The following CTNNA3 variants were observed in gnomAD, a reference collection of about 807,000 sequenced individuals.
The protein encoded by CTNNA3 is catenin alpha 3.
Under a neutral mutation model 95.7 loss-of-function variants are expected in CTNNA3, and 76 were observed. The ratio of observed to expected loss-of-function variants is 0.79; its 90% CI spans 0.66 to 0.96. CTNNA3 has a LOEUF of 0.96. CTNNA3 is among the 40% of genes least tolerant of loss of function. CTNNA3 has a pLI of 0.00. For missense variants in CTNNA3, 1,191 were observed against 1,089.8 expected, an observed-to-expected ratio of 1.09 and a Z score of -1.31; for synonymous variants, 431 against 374.4, an observed-to-expected ratio of 1.15 and a Z score of -1.74.
chr10:67,702,211 G>T (rs1050952373), intron 1 of CTNNA3, among the ~76,000 whole-genome samples: 1 of 151,782 alleles, frequency 6.6e-6, no homozygotes. Context: ...ACATTAGACA[G>T]ATCAACGAGA....
rs200843897 is a variant in CTNNA3 at position 67,019,877 on chromosome 10, C to T, written c.1047+160440G>A. Among the ~76,000 whole-genome samples the T allele has an allele frequency of 9.9e-5, 15 of 152,226 alleles. No individual in the cohort carries two copies. The East Asian group carries it at 2.9e-3, about 29-fold the overall frequency. ...TCTTCCGTTCTTGCCTAATTTTCTC[C>T]ATTGCTGTAATTCTACCATAAAAAC... is the stretch of plus-strand genomic sequence containing the variant. On this transcript the variant is annotated intron_variant, in intron 7 of 17. Coordinates refer to ENST00000433211, the MANE Select transcript of CTNNA3 (RefSeq NM_013266.4).
intron 9 of CTNNA3, among the ~76,000 whole-genome samples, chr10:66,660,027 G>A (rs116023700): frequency 0.011 from 1,619 of 151,990 alleles, 36 homozygotes; most frequent in African/African-American, 0.037. Context: ...TCACTAAGTT[G>A]CTCAGGATGG....
At chr10:66,600,418 T>G (rs753492440) in intron 10 of CTNNA3, among the ~76,000 whole-genome samples, 1 of 151,828 alleles carries the variant, frequency 6.6e-6, no homozygotes. Context: ...AATATACACT[T>G]TTATACCCAA....
At chr10:67,676,913 A>G (rs1040265382) in intron 1 of CTNNA3, among the ~76,000 whole-genome samples, 1 of 152,154 alleles carries the variant, frequency 6.6e-6, no homozygotes, top group Admixed American at 6.6e-5. Context: ...ATAGGCCACA[A>G]GGGGGGTTCT....
At chr10:66,550,517 C>T (rs770919208) in intron 10 of CTNNA3, among the ~76,000 whole-genome samples, 12 of 152,074 alleles carry the variant, frequency 7.9e-5, no homozygotes, top group Non-Finnish European at 1.5e-4. Flanking sequence ...TCTATGACTG[C>T]TTTCATGCAA....
intron 11 of CTNNA3, among the ~76,000 whole-genome samples, chr10:66,471,641 T>G (rs1839136069): frequency 6.6e-6 from 1 of 151,916 alleles, no homozygotes; most frequent in South Asian, 2.1e-4. Context: ...AAATAATTTA[T>G]TATAATTTAA....
At chr10:66,944,331 A>G (rs1848171532) in intron 7 of CTNNA3, among the ~76,000 whole-genome samples, 1 of 152,180 alleles carries the variant, frequency 6.6e-6, no homozygotes, top group African/African-American at 2.4e-5. Context: ...CTCCTCATCC[A>G]TTCAAGTTTG....
At chr10:66,715,141 A>G (rs1031170948) in intron 9 of CTNNA3, among the ~76,000 whole-genome samples, 2 of 152,110 alleles carry the variant, frequency 1.3e-5, no homozygotes, top group Non-Finnish European at 2.9e-5. Context: ...TCTGAGGGCT[A>G]ATTTCAATAA....
At position 66,520,619 on chromosome 10, in the gene CTNNA3, G is replaced by C; in HGVS notation, c.1529C>G (p.Ser510Cys). 1.3e-6 allele frequency: 2 copies of C among 1,597,462 alleles called. No individual in the cohort carries two copies. Among genetic ancestry groups the C allele is most frequent in the Non-Finnish European group, 1.7e-6 (2 of 1,171,702 alleles). ...ITSIDDFLAVSESHILEDVNK... is the reference protein window; with the variant it reads ...ITSIDDFLAVCESHILEDVNK... ...AAATTAAAAGAATAAAAACATACCA[G>C]ATACAGCAAGGAAGTCATCAATGCT... is the stretch of plus-strand genomic sequence containing the variant. The change falls in exon 11 of 18, where the codon TCT becomes TGT. Residue 510 changes from serine (S) to cysteine (C), a missense_variant and splice_region_variant. Physicochemically the swap from Ser to Cys is moderately radical, Grantham distance 112. Transcript: ENST00000433211.
chr10:67,002,205 T>A (rs923204591), intron 7 of CTNNA3, among the ~76,000 whole-genome samples: 2 of 152,196 alleles, frequency 1.3e-5, no homozygotes, highest in Non-Finnish European at 2.9e-5. Flanking sequence ...CAGAGTCGAA[T>A]GGGAAGCTTT....
chr10:66,471,064 A>T (rs968158717), intron 11 of CTNNA3, among the ~76,000 whole-genome samples: 1 of 151,900 alleles, frequency 6.6e-6, no homozygotes, highest in Non-Finnish European at 1.5e-5. Flanking sequence ...ATAATGATAA[A>T]TTCTGGAGAG....
chr10:66,742,501 C>A (rs138814914), intron 9 of CTNNA3, among the ~76,000 whole-genome samples: 3 of 152,012 alleles, frequency 2.0e-5, no homozygotes, highest in Non-Finnish European at 4.4e-5. Context: ...TCTCTGTGAC[C>A]CATACCCTAT....
upstream of CTNNA3, among the ~76,000 whole-genome samples, chr10:67,700,081 G>T (rs965249097): frequency 6.6e-6 from 1 of 152,244 alleles, no homozygotes; most frequent in Non-Finnish European, 1.5e-5. Context: ...AGGGGCGCCC[G>T]CCATTGCCCA....
chr10:66,301,541 T>C (rs1589053261), intron 12 of CTNNA3, among the ~76,000 whole-genome samples: 1 of 151,876 alleles, frequency 6.6e-6, no homozygotes, highest in East Asian at 1.9e-4. Flanking sequence ...TCAAGTAGAT[T>C]TATCCCAGGT....
chr10:67,698,600 AT>A (rs144048129), upstream of CTNNA3, among the ~76,000 whole-genome samples: 1,588 of 152,268 alleles, frequency 0.01, 26 homozygotes, highest in African/African-American at 0.036. Context: ...CCATGAGTCC[AT>A]TTCATCTGTC....
chr10:67,733,799 G>A (rs1841288933), intron 1 of CTNNA3, among the ~76,000 whole-genome samples: 1 of 152,100 alleles, frequency 6.6e-6, no homozygotes. Context: ...ACTCTTGTAA[G>A]GGTATATTCT....
chr10:66,012,273 A>C (rs1158271726), intron 15 of CTNNA3, among the ~76,000 whole-genome samples: 3 of 152,212 alleles, frequency 2.0e-5, no homozygotes, highest in Non-Finnish European at 4.4e-5. Flanking sequence ...GGTGAAAATA[A>C]AACTGGGTCA....
chr10:66,737,843 G>A (rs569217289), intron 9 of CTNNA3, among the ~76,000 whole-genome samples: 1 of 152,044 alleles, frequency 6.6e-6, no homozygotes, highest in East Asian at 1.9e-4. Context: ...ATTTTTAGTA[G>A]ACATGGGGTT....
At chr10:66,026,739 C>T (rs2079347624) in intron 15 of CTNNA3, among the ~76,000 whole-genome samples, 1 of 152,056 alleles carries the variant, frequency 6.6e-6, no homozygotes, top group South Asian at 2.1e-4. Context: ...TTTGAGTCAT[C>T]TTATTGGTCA....
Sources: gnomAD v4.1 joint callset for allele counts (sites outside exome capture counted in the v4.1 genomes callset) on GRCh38, gnomAD v4.1.1 for gene constraint, MANE v1.5 for transcripts, NCBI Gene and HGNC (gene_info 2026-07-23, HGNC 2026-07-21) for gene names.